The following MYO1E variants were observed in gnomAD, a reference collection of about 807,000 sequenced individuals.
MYO1E encodes the protein unconventional myosin-Ie.
Under a neutral mutation model 151.1 loss-of-function variants are expected in MYO1E, and 68 were observed. The observed-to-expected ratio is 0.45, with a 90% confidence interval of 0.37 to 0.55. The LOEUF (loss-of-function observed/expected upper bound fraction) is 0.55, where lower values mean the gene tolerates loss of function less well. MYO1E is among the 20% of genes least tolerant of loss of function. The pLI, the probability that MYO1E is intolerant of heterozygous loss-of-function variation, is 0.00. For synonymous variants in MYO1E, 601 were observed against 501.7 expected (o/e 1.20, Z -2.64); for missense variants, 1,363 against 1,389.3 (o/e 0.98, Z 0.30).
intron 4 of MYO1E, among the ~76,000 whole-genome samples, chr15:59,248,051 C>T (rs1206918866): frequency 6.9e-6 from 1 of 144,550 alleles, no homozygotes; most frequent in African/African-American, 2.6e-5. Flanking sequence ...TCACTTGAAC[C>T]CAGGAAGCAC....
At chr15:59,147,425 C>A (rs1228446348) in intron 26 of MYO1E, among the ~76,000 whole-genome samples, 1 of 151,882 alleles carries the variant, frequency 6.6e-6, no homozygotes, top group Admixed American at 6.6e-5. Flanking sequence ...CATGGCGAAA[C>A]CCCGTCCCTA....
At position 59,157,194 on chromosome 15, in the gene MYO1E, C is replaced by A. The variant is rs192375895; in HGVS notation, c.2878+1093G>T. On this transcript the variant is annotated intron_variant, in intron 25 of 27. Coordinates refer to ENST00000288235, the MANE Select transcript of MYO1E (RefSeq NM_004998.4). Reference sequence around the variant, plus strand: ...TGAGCTATGATGGCACCACTGCACTCCAGTTGGGCAACTGAGACCCCATCC... The same window carrying A: ...TGAGCTATGATGGCACCACTGCACTACAGTTGGGCAACTGAGACCCCATCC... Among the ~76,000 whole-genome samples, 113 of 152,128 alleles carry A rather than the reference C, an allele frequency of 7.4e-4. 2 individuals are homozygous for A. Among genetic ancestry groups the A allele is most frequent in the Non-Finnish European group, 1.3e-3 (90 of 67,996 alleles).
chr15:59,211,763 G>A (rs1325444556), intron 12 of MYO1E, among the ~76,000 whole-genome samples: 1 of 151,962 alleles, frequency 6.6e-6, no homozygotes, highest in African/African-American at 2.4e-5. Flanking sequence ...TTTCTTTCTT[G>A]GCTATTGCTA....
chr15:59,198,107 C>G (rs2079779072), intron 16 of MYO1E, among the ~76,000 whole-genome samples: 1 of 152,204 alleles, frequency 6.6e-6, no homozygotes, highest in South Asian at 2.1e-4. Context: ...CTCAAGCAAT[C>G]TTCCCACCTT....
intron 1 of MYO1E, among the ~76,000 whole-genome samples, chr15:59,324,163 G>A (rs1198416649): frequency 6.6e-6 from 1 of 152,100 alleles, no homozygotes; most frequent in African/African-American, 2.4e-5. Flanking sequence ...TATCCGTGTG[G>A]GCAGTGAGGC....
chr15:59,370,788 C>T (rs1474107048), intron 1 of MYO1E, among the ~76,000 whole-genome samples: 1 of 152,158 alleles, frequency 6.6e-6, no homozygotes, highest in Admixed American at 6.6e-5. Context: ...CTCAAGGTAC[C>T]ACTCAAGTAC....
intron 1 of MYO1E, among the ~76,000 whole-genome samples, chr15:59,366,257 G>T (rs576306141): frequency 5.0e-4 from 76 of 151,888 alleles, no homozygotes; most frequent in African/African-American, 1.8e-3. Flanking sequence ...GGGATTACAG[G>T]CGTGAACCAC....
At chr15:59,205,984 T>C (rs1189436791) in intron 14 of MYO1E, among the ~76,000 whole-genome samples, 1 of 150,008 alleles carries the variant, frequency 6.7e-6, no homozygotes, top group Non-Finnish European at 1.5e-5. Context: ...CAGAAACTCA[T>C]GCTCAGATAC....
At chr15:59,225,096 C>T (rs1261722018) in intron 7 of MYO1E, among the ~76,000 whole-genome samples, 1 of 152,222 alleles carries the variant, frequency 6.6e-6, no homozygotes, top group East Asian at 1.9e-4. Flanking sequence ...GAAAGCAAAA[C>T]AGATTTTAAT....
At chr15:59,214,148 T>C in intron 12 of MYO1E, 80 bp downstream of exon 12, 1 of 1,227,644 alleles carries the variant, frequency 8.1e-7, no homozygotes, top group South Asian at 1.4e-5. Flanking sequence ...CGAAATCTAT[T>C]AACAAAAGAC....
Position 59,153,599 on chromosome 15 carries a change from C to A in MYO1E, c.3071G>T (p.Gly1024Val), listed in dbSNP as rs1566965563. The change falls in exon 26 of 28, where the codon GGA (glycine) becomes GTA (valine). Residue 1024 changes from glycine (G) to valine (V), a missense_variant. By Grantham distance (109) the Gly-to-Val change is moderately radical. Coordinates refer to ENST00000288235, the MANE Select transcript of MYO1E (RefSeq NM_004998.4). ...SLDFLKVPDQGAAGVRRQTTS... is the reference protein window; with the variant it reads ...SLDFLKVPDQVAAGVRRQTTS... ...GATGTGAGAATCTTACCCTGCAGCT[C>A]CCTGGTCCGGGACCTTGAGGAAATC... The A allele has an allele frequency of 2.5e-6, 4 of 1,613,998 alleles. No homozygotes were observed. In the African/African-American group the frequency reaches 4.0e-5, roughly 16 times the overall value.
In MYO1E at chr15:59,328,181, C is replaced by A. The variant is rs369772090; in HGVS notation, c.3+44317G>T. Reference sequence around the variant, plus strand: ...CCTGACAGATTAACTGGGCAGCAAACGGGCTTGCAAAATGTGGCCTTTGCT... The same window carrying A: ...CCTGACAGATTAACTGGGCAGCAAAAGGGCTTGCAAAATGTGGCCTTTGCT... On this transcript the variant is annotated intron_variant, in intron 1 of 27. Coordinates refer to ENST00000288235, the MANE Select transcript of MYO1E (RefSeq NM_004998.4). Among the ~76,000 whole-genome samples, 171 of 152,292 alleles carry A rather than the reference C, an allele frequency of 1.1e-3. 1 individual carries two copies. Among genetic ancestry groups the A allele is most frequent in the African/African-American group, 3.8e-3 (156 of 41,544 alleles).
At chr15:59,263,260 G>A (rs754159738) in intron 2 of MYO1E, among the ~76,000 whole-genome samples, 31 of 152,156 alleles carry the variant, frequency 2.0e-4, no homozygotes, top group Non-Finnish European at 4.1e-4. Context: ...CAGATTGGCT[G>A]GTGCTGATGG....
At chr15:59,148,566 G>A (rs2079455780) in intron 26 of MYO1E, among the ~76,000 whole-genome samples, 2 of 152,206 alleles carry the variant, frequency 1.3e-5, no homozygotes, top group Admixed American at 1.3e-4. Context: ...ATGTGGAAAT[G>A]GATGCCAGGA....
intron 18 of MYO1E, among the ~76,000 whole-genome samples, chr15:59,181,731 G>A (rs1214733516): frequency 6.6e-6 from 1 of 152,198 alleles, no homozygotes; most frequent in Non-Finnish European, 1.5e-5. Context: ...TGTGAGCCAT[G>A]GCTCTGTTTA....
chr15:59,138,477 C>A, intron 26 of MYO1E, 110 bp from the exon 27 acceptor site: 1 of 1,208,402 alleles, frequency 8.3e-7, no homozygotes, highest in Non-Finnish European at 1.2e-6. Context: ...TCAAATCCAG[C>A]TCCATCCTTA....
chr15:59,259,185 GTACT>G (rs763830368), intron 3 of MYO1E, among the ~76,000 whole-genome samples: 65 of 152,294 alleles, frequency 4.3e-4, no homozygotes, highest in Non-Finnish European at 6.6e-4. Flanking sequence ...TTGTAAAAAT[GTACT>G]TACTTGTTCT....
At chr15:59,341,680 G>A (rs1235307931) in intron 1 of MYO1E, among the ~76,000 whole-genome samples, 4 of 152,014 alleles carry the variant, frequency 2.6e-5, no homozygotes, top group African/African-American at 9.7e-5. Flanking sequence ...AAATGACAGG[G>A]TTTCATTCTT....
chr15:59,261,652 A>G (rs937155036), intron 2 of MYO1E, 143 bp from the exon 3 acceptor site: 1 of 645,416 alleles, frequency 1.5e-6, no homozygotes. Context: ...TTACAAGTAA[A>G]GACGAAAGCA....
Sources: allele counts gnomAD v4.1 joint callset (sites outside exome capture counted in the v4.1 genomes callset), GRCh38; gene constraint gnomAD v4.1.1; transcripts MANE v1.5; gene names NCBI Gene and HGNC (gene_info 2026-07-23, HGNC 2026-07-21).